LRRTM3: variants seen among roughly 807,000 people sequenced by gnomAD.
LRRTM3 encodes the protein leucine-rich repeat transmembrane neuronal protein 3.
Under a neutral mutation model 44.7 loss-of-function variants are expected in LRRTM3, and 24 were observed. The observed-to-expected ratio is 0.54, with a 90% confidence interval of 0.39 to 0.76. LRRTM3 has a LOEUF of 0.76. Among genes scored for constraint, LRRTM3 ranks in the 30% least tolerant of loss-of-function variants. The pLI, the probability that LRRTM3 is intolerant of heterozygous loss-of-function variation, is 0.00. For synonymous variants in LRRTM3, 277 were observed against 278.7 expected (o/e 0.99, Z 0.06); for missense variants, 587 against 702.2 (o/e 0.84, Z 1.85).
chr10:66,961,635 G>T (rs562113813), intron 2 of LRRTM3, among the ~76,000 whole-genome samples: 2 of 152,088 alleles, frequency 1.3e-5, no homozygotes, highest in Admixed American at 6.5e-5. Context: ...GACAAATCAA[G>T]ATGACTCCAG....
intron 2 of LRRTM3, among the ~76,000 whole-genome samples, chr10:67,074,866 G>A (rs1856666603): frequency 6.6e-6 from 1 of 152,060 alleles, no homozygotes; most frequent in Non-Finnish European, 1.5e-5. Flanking sequence ...TGTATGAAAA[G>A]CACACATTTG....
At chr10:67,031,927 T>C (rs1225294348) in intron 2 of LRRTM3, among the ~76,000 whole-genome samples, 4 of 152,168 alleles carry the variant, frequency 2.6e-5, no homozygotes, top group Admixed American at 2.6e-4. Context: ...TCTTTATCAA[T>C]AGTAACAATA....
chr10:67,086,690 T>C (rs1311885104), intron 2 of LRRTM3, among the ~76,000 whole-genome samples: 1 of 151,910 alleles, frequency 6.6e-6, no homozygotes, highest in Non-Finnish European at 1.5e-5. Context: ...TAAATGCCAA[T>C]GTTCAGGGAA....
chr10:66,935,763 G>A (rs575668070), intron 2 of LRRTM3, among the ~76,000 whole-genome samples: 2 of 150,954 alleles, frequency 1.3e-5, no homozygotes, highest in African/African-American at 2.5e-5. Context: ...AGTGTTTTAT[G>A]CGTTTCGTAA....
At chr10:66,978,213 T>C (rs561051725) in intron 2 of LRRTM3, among the ~76,000 whole-genome samples, 2 of 152,058 alleles carry the variant, frequency 1.3e-5, no homozygotes, top group African/African-American at 4.8e-5. Flanking sequence ...CTGCACAACA[T>C]AGTGCCTAGA....
Position 67,101,453 on chromosome 10 carries a change from T to TA in LRRTM3, c.*3657_*3658insA, listed in dbSNP as rs1328309470. Among the ~76,000 whole-genome samples the TA allele has an allele frequency of 4.1e-5, 4 of 96,898 alleles. No individual in the cohort carries two copies. The highest frequency in any genetic ancestry group is 7.1e-5 in the African/African-American group (1 of 14,086). The allele number at this position is 96,898 out of a possible 152,430, so 63.6% of individuals were successfully genotyped here. On this transcript the variant is annotated 3_prime_UTR_variant, in exon 3 of 3. Coordinates refer to ENST00000361320, the MANE Select transcript of LRRTM3 (RefSeq NM_178011.5). ...TAATAATAGAGAACAATTTTCTCCA[T>TA]TTTCTTATAAGAAAAATAAAATATA... is the stretch of plus-strand genomic sequence containing the variant.
intron 2 of LRRTM3, among the ~76,000 whole-genome samples, chr10:67,087,477 T>C (rs561306991): frequency 2.6e-5 from 4 of 152,064 alleles, no homozygotes; most frequent in Admixed American, 2.6e-4. Context: ...TTTTAAAAAG[T>C]TTTATACATT....
intron 2 of LRRTM3, among the ~76,000 whole-genome samples, chr10:66,947,902 G>C (rs1306503619): frequency 6.6e-6 from 1 of 152,162 alleles, no homozygotes; most frequent in East Asian, 1.9e-4. Context: ...GAACATCACA[G>C]AGTGTACTTA....
intron 2 of LRRTM3, among the ~76,000 whole-genome samples, chr10:67,078,930 T>C (rs2131872055): frequency 6.6e-6 from 1 of 152,366 alleles, no homozygotes; most frequent in South Asian, 2.1e-4. Context: ...TGCAATGCAG[T>C]AGACCACTTC....
At chr10:66,952,011 G>T (rs896715685) in intron 2 of LRRTM3, among the ~76,000 whole-genome samples, 4 of 152,160 alleles carry the variant, frequency 2.6e-5, no homozygotes, top group Non-Finnish European at 5.9e-5. Flanking sequence ...AAATTGGCTG[G>T]CTTTCCTCTC....
At chr10:67,020,783 T>G (rs1852958904) in intron 2 of LRRTM3, among the ~76,000 whole-genome samples, 2 of 152,176 alleles carry the variant, frequency 1.3e-5, no homozygotes, top group African/African-American at 4.8e-5. Context: ...CATGTAAGTT[T>G]CAGAAAGGTG....
intron 2 of LRRTM3, 49 bp downstream of exon 2, chr10:66,928,501 G>A (rs766296483): frequency 3.3e-6 from 5 of 1,512,766 alleles, no homozygotes; most frequent in Non-Finnish European, 4.4e-6. Flanking sequence ...GGAAATAAGT[G>A]GTGCTTTATT....
intron 2 of LRRTM3, among the ~76,000 whole-genome samples, chr10:66,945,822 G>A (rs915829834): frequency 6.6e-6 from 1 of 152,266 alleles, no homozygotes; most frequent in Admixed American, 6.5e-5. Flanking sequence ...ATGTGTCTCA[G>A]GGAATAGGGA....
At chr10:67,018,669 G>A (rs61308985) in intron 2 of LRRTM3, among the ~76,000 whole-genome samples, 2,631 of 152,240 alleles carry the variant, frequency 0.017, 86 homozygotes, top group African/African-American at 0.057. Context: ...CTTTTTAACC[G>A]TGGACAAGCC....
At position 67,097,954 on chromosome 10, in the gene LRRTM3, G is replaced by A; in HGVS notation, c.*158G>A. On this transcript the variant is annotated 3_prime_UTR_variant, in exon 3 of 3. Transcript: ENST00000361320. ...CAAGATTGATTCATGAAATAAAGAAGACATGAATTGTTTTAAGTCTACACT... is the reference window on the plus strand; with the variant it reads ...CAAGATTGATTCATGAAATAAAGAAAACATGAATTGTTTTAAGTCTACACT... 1.5e-6 allele frequency: 1 copy of A among 651,440 alleles called. No individual in the cohort carries two copies. Among genetic ancestry groups the A allele is most frequent in the Non-Finnish European group, 2.6e-6 (1 of 381,328 alleles). 40.4% of individuals were successfully genotyped at this position (651,440 alleles called of 1,614,324 possible).
intron 2 of LRRTM3, among the ~76,000 whole-genome samples, chr10:67,002,230 TA>T (rs1851732363): frequency 6.6e-6 from 1 of 152,168 alleles, no homozygotes; most frequent in Middle Eastern, 3.2e-3. Flanking sequence ...AAACAATAAG[TA>T]ATTATTTCTT....
intron 2 of LRRTM3, among the ~76,000 whole-genome samples, chr10:66,978,053 C>T (rs61866213): frequency 0.22 from 29,672 of 134,292 alleles, 3,236 homozygotes; most frequent in African/African-American, 0.31. Flanking sequence ...TTTGCACACA[C>T]ATATATATAT....
intron 2 of LRRTM3, among the ~76,000 whole-genome samples, chr10:67,017,294 C>A (rs1439820995): frequency 6.6e-6 from 1 of 152,112 alleles, no homozygotes. Context: ...TAGGTTAGTT[C>A]CCAAGAACAC....
intron 2 of LRRTM3, among the ~76,000 whole-genome samples, chr10:67,025,129 C>CAAA (rs1206262968): frequency 3.2e-4 from 8 of 25,302 alleles, no homozygotes; most frequent in Non-Finnish European, 4.8e-4. Flanking sequence ...AAAACTCTGT[C>CAAA]AAAAACAAAA....
Sources: allele counts gnomAD v4.1 joint callset (sites outside exome capture counted in the v4.1 genomes callset), GRCh38; gene constraint gnomAD v4.1.1; transcripts MANE v1.5; gene names NCBI Gene and HGNC (gene_info 2026-07-23, HGNC 2026-07-21).